PEMT: variants seen among roughly 807,000 people sequenced by gnomAD.
PEMT encodes phospholipid methyltransferase.
In PEMT, 23 loss-of-function variants were observed where a neutral mutation model predicts 27.4. The ratio of observed to expected loss-of-function variants is 0.84; its 90% CI spans 0.60 to 1.19. PEMT has a LOEUF of 1.19. PEMT is among the 50% of genes most tolerant of loss of function. PEMT has a pLI of 0.00. For missense variants in PEMT, 307 were observed against 310.1 expected (o/e 0.99, Z 0.07); for synonymous variants, 137 against 139.1 (o/e 0.98, Z 0.11).
chr17:17,512,464 C>T lies in PEMT; in HGVS notation c.466+45G>A. ...CACCTGGCCCTGCACCTCCCTGGGG[C>T]TCCAGCGGTCCTGCTCAGGGTCACC... On this transcript the variant is annotated intron_variant, in intron 4 of 6. Coordinates refer to ENST00000255389, the MANE Select transcript of PEMT (RefSeq NM_148172.3). This position sits in a 1 kb window ranked among gnomAD's most constrained non-coding sequence, Gnocchi z 6.3. 6.8e-7 allele frequency: 1 copy of T among 1,463,632 alleles called. No homozygotes were observed. The highest frequency in any genetic ancestry group is 9.1e-7 in the Non-Finnish European group (1 of 1,096,300). The allele number at this position is 1,463,632 out of a possible 1,614,324, so 90.7% of individuals were successfully genotyped here.
chr17:17,579,126 C>T (rs1001057467), intron 1 of PEMT, among the ~76,000 whole-genome samples: 1 of 152,170 alleles, frequency 6.6e-6, no homozygotes, highest in Non-Finnish European at 1.5e-5. Context: ...CAGGGTCAGC[C>T]AGCCCTGGGG....
rs981336680 is a variant in PEMT, at chr17:17,577,033, G to A, written c.97-6C>T. 2 of 1,609,032 alleles carry A rather than the reference G, an allele frequency of 1.2e-6. No individual in the cohort carries two copies. Among genetic ancestry groups the A allele is most frequent in the Non-Finnish European group, 1.7e-6 (2 of 1,175,730 alleles). On this transcript the variant is annotated splice_region_variant and splice_polypyrimidine_tract_variant and intron_variant, in intron 1 of 6. Transcript: ENST00000255389. Reference sequence around the variant, plus strand: ...GTCATAACGCAGAAGTCTGCCTGCAGGGACAGAGCTAGCATCAGCACCACC... The same window carrying A: ...GTCATAACGCAGAAGTCTGCCTGCAAGGACAGAGCTAGCATCAGCACCACC...
intron 3 of PEMT, among the ~76,000 whole-genome samples, chr17:17,514,709 G>C (rs1471818667): frequency 6.6e-6 from 1 of 152,244 alleles, no homozygotes; most frequent in Non-Finnish European, 1.5e-5. Flanking sequence ...TGCACACCCA[G>C]TGTGGTGCCA....
Position 17,586,546 on chromosome 17 carries a change from G to A in PEMT, c.96+4985C>T, listed in dbSNP as rs58096410. ...GAAAGCGATCGTGGAAAGAATGCAC[G>A]CGAGGGCCAAATGGGAAGTCTTGGG... On this transcript the variant is annotated intron_variant, in intron 1 of 6. Transcript: ENST00000255389. 2.1e-3 allele frequency among the ~76,000 whole-genome samples: 322 copies of A among 152,290 alleles called. 1 individual carries two copies. Among genetic ancestry groups the A allele is most frequent in the African/African-American group, 7.5e-3 (311 of 41,550 alleles).
At chr17:17,542,856 G>A (rs990010489) in intron 2 of PEMT, among the ~76,000 whole-genome samples, 3 of 152,216 alleles carry the variant, frequency 2.0e-5, no homozygotes, top group Non-Finnish European at 4.4e-5. Flanking sequence ...TGCAGGAGCA[G>A]GGCCCAAGGC....
Position 17,591,672 on chromosome 17 carries a change from C to A in PEMT, c.-46G>T, listed in dbSNP as rs559453850. On this transcript the variant is annotated 5_prime_UTR_variant, in exon 1 of 7. Transcript: ENST00000255389. ...CACCACGCGGGCCCCGCTGCAGCCACGCGCCCCCGGAACCGGACCTATAGA... is the reference window on the plus strand; with the variant it reads ...CACCACGCGGGCCCCGCTGCAGCCAAGCGCCCCCGGAACCGGACCTATAGA... 1.3e-6 allele frequency: 2 copies of A among 1,581,558 alleles called. No individual in the cohort carries two copies. The highest frequency in any genetic ancestry group is 1.8e-5 in the Admixed American group (1 of 55,380).
intron 2 of PEMT, among the ~76,000 whole-genome samples, chr17:17,524,912 A>G (rs111935621): frequency 0.022 from 3,315 of 152,290 alleles, 87 homozygotes; most frequent in African/African-American, 0.058. Context: ...GATCCAGACC[A>G]TCCTGGCTAA....
chr17:17,545,925 C>A (rs1178423890), intron 2 of PEMT, among the ~76,000 whole-genome samples: 2 of 152,172 alleles, frequency 1.3e-5, no homozygotes, highest in Non-Finnish European at 2.9e-5. Flanking sequence ...AAAACCAATT[C>A]CTTTCCTTGC....
intron 2 of PEMT, among the ~76,000 whole-genome samples, chr17:17,575,705 C>T (rs1213635916): frequency 6.6e-6 from 1 of 152,208 alleles, no homozygotes; most frequent in Non-Finnish European, 1.5e-5. Context: ...TGTTTGGCTA[C>T]ACCAAGCTCG....
intron 2 of PEMT, among the ~76,000 whole-genome samples, chr17:17,534,149 T>G (rs1479074541): frequency 6.6e-6 from 1 of 152,170 alleles, no homozygotes; most frequent in East Asian, 1.9e-4. Context: ...ACATGGATGT[T>G]TACAGTAGCT....
At chr17:17,590,807 T>A (rs1567764150) in intron 1 of PEMT, among the ~76,000 whole-genome samples, 1 of 151,960 alleles carries the variant, frequency 6.6e-6, no homozygotes, top group African/African-American at 2.4e-5. Flanking sequence ...GCAAGAGAGG[T>A]TGGAAATTGG....
At chr17:17,583,284 G>A (rs556478213) in intron 1 of PEMT, among the ~76,000 whole-genome samples, 2 of 148,298 alleles carry the variant, frequency 1.3e-5, no homozygotes, top group African/African-American at 5.0e-5. Context: ...GCTGAAGCAG[G>A]AGAATCGCTT....
rs1486021934 is a variant in PEMT at position 17,506,291 on chromosome 17, G to T, written c.589C>A (p.Pro197Thr). 4 of 1,578,898 alleles carry T rather than the reference G, an allele frequency of 2.5e-6. 1 individual carries two copies. The Middle Eastern group carries it at 5.0e-4, about 197-fold the overall frequency. Residue 197 changes from proline (P) to threonine (T), a missense_variant, in exon 6 of 7, where the codon CCC becomes ACC. Pro to Thr is a conservative substitution (Grantham distance 38). Transcript: ENST00000255389. ...YLGWAIMHAS[P>T]TGLLLTVLVA... ...AGCACCGTCAGGAGCAGGCCCGTGG[G>T]GCTGGCGTGCCTGAAAGGACAGAGG...
At chr17:17,572,914 C>T (rs187706825) in intron 2 of PEMT, among the ~76,000 whole-genome samples, 116 of 152,378 alleles carry the variant, frequency 7.6e-4, no homozygotes, top group Non-Finnish European at 1.5e-3. Flanking sequence ...AAGAGCCAGG[C>T]GTGGTGGCTC....
intron 1 of PEMT, among the ~76,000 whole-genome samples, chr17:17,584,065 G>A (rs776378928): frequency 2.0e-5 from 3 of 152,220 alleles, no homozygotes; most frequent in South Asian, 2.1e-4. Context: ...TGGGGCCCAC[G>A]GGTAAGACGG....
intron 2 of PEMT, among the ~76,000 whole-genome samples, chr17:17,572,220 C>T (rs552344146): frequency 6.6e-6 from 1 of 152,390 alleles, no homozygotes; most frequent in South Asian, 2.1e-4. Flanking sequence ...AAGCTGCCAT[C>T]TGGGGCCTGC....
At chr17:17,531,691 G>C (rs907343260) in intron 2 of PEMT, among the ~76,000 whole-genome samples, 14 of 126,098 alleles carry the variant, frequency 1.1e-4, no homozygotes, top group African/African-American at 4.0e-4. Flanking sequence ...ATGAATTCAA[G>C]ATGGACTATA....
chr17:17,536,525 C>T (rs558782405), intron 2 of PEMT, among the ~76,000 whole-genome samples: 25 of 152,352 alleles, frequency 1.6e-4, no homozygotes, highest in African/African-American at 4.6e-4. Flanking sequence ...CTCCTGCACA[C>T]GGGAGCCCCA....
intron 2 of PEMT, among the ~76,000 whole-genome samples, chr17:17,531,429 T>A: frequency 6.6e-6 from 1 of 150,978 alleles, no homozygotes. Context: ...ATGTCAAAAA[T>A]CAGATGGAAA....
Sources: gnomAD v4.1 joint callset for allele counts (sites outside exome capture counted in the v4.1 genomes callset) on GRCh38, gnomAD v4.1.1 for gene constraint, Gnocchi (gnomAD v3.1) non-coding constraint, MANE v1.5 for transcripts, NCBI Gene and HGNC (gene_info 2026-07-23, HGNC 2026-07-21) for gene names.